GLIS3: variants seen among roughly 807,000 people sequenced by gnomAD.
GLIS3 encodes the protein zinc finger protein GLIS3.
Under a neutral mutation model 78.6 loss-of-function variants are expected in GLIS3, and 53 were observed. The observed-to-expected ratio is 0.67, with a 90% CI of 0.54 to 0.85. GLIS3 has a LOEUF of 0.85. GLIS3 is among the 40% of genes least tolerant of loss of function. The probability of loss-of-function intolerance (pLI) is 0.00; values close to 1 mark genes in which losing one functional copy is unlikely to be tolerated. For missense variants in GLIS3, 1,703 were observed against 1,231.1 expected (o/e 1.38, Z -5.74); for synonymous variants, 684 against 509.9 (o/e 1.34, Z -4.60).
At chr9:3,981,743 G>A (rs1460847222) in intron 4 of GLIS3, among the ~76,000 whole-genome samples, 1 of 152,114 alleles carries the variant, frequency 6.6e-6, no homozygotes, top group Non-Finnish European at 1.5e-5. Flanking sequence ...CTGGGGCTTT[G>A]GAAGACATCA....
intron 4 of GLIS3, among the ~76,000 whole-genome samples, chr9:4,032,724 A>G (rs1039414323): frequency 6.6e-6 from 1 of 151,926 alleles, no homozygotes; most frequent in African/African-American, 2.4e-5. Flanking sequence ...CATATACCCT[A>G]TGCCATGAGG....
chr9:4,112,032 G>A (rs1218699593), intron 4 of GLIS3, among the ~76,000 whole-genome samples: 1 of 152,194 alleles, frequency 6.6e-6, no homozygotes, highest in Non-Finnish European at 1.5e-5. Context: ...CTGAAAGTCT[G>A]CATTGTGTTT....
the GLIS3 span, among the ~76,000 whole-genome samples, chr9:4,440,371 A>G: frequency 3.9e-5 from 6 of 152,118 alleles, no homozygotes; most frequent in African/African-American, 1.2e-4. Context: ...TTTTTTATAT[A>G]AGGGTCTAGT....
intron 7 of GLIS3, among the ~76,000 whole-genome samples, chr9:3,887,432 A>G (rs193094897): frequency 6.6e-6 from 1 of 152,352 alleles, no homozygotes; most frequent in African/African-American, 2.4e-5. Flanking sequence ...GAACATGCCT[A>G]TTAACTTTGA....
intron 6 of GLIS3, among the ~76,000 whole-genome samples, chr9:3,914,131 G>A (rs1201993563): frequency 2.0e-5 from 1 of 49,858 alleles, no homozygotes; most frequent in Non-Finnish European, 3.9e-5. Context: ...AAAGACACTT[G>A]GGTAGTTTCT....
At chr9:4,261,293 C>T (rs1825503137) in intron 2 of GLIS3, among the ~76,000 whole-genome samples, 1 of 152,040 alleles carries the variant, frequency 6.6e-6, no homozygotes, top group African/African-American at 2.4e-5. Context: ...TCTGGGGATA[C>T]ATGAGAGTGA....
intron 6 of GLIS3, among the ~76,000 whole-genome samples, chr9:3,920,159 A>G (rs766380394): frequency 5.9e-5 from 9 of 151,988 alleles, no homozygotes; most frequent in East Asian, 3.9e-4. Context: ...GCCCGCCACC[A>G]CACCCGGCTA....
the GLIS3 span, among the ~76,000 whole-genome samples, chr9:4,484,051 C>A: frequency 6.6e-6 from 1 of 152,104 alleles, no homozygotes; most frequent in African/African-American, 2.4e-5. Flanking sequence ...GTTGTTATTA[C>A]CAGCTAAAAT....
intron 2 of GLIS3, among the ~76,000 whole-genome samples, chr9:4,252,785 T>TAC (rs2129892468): frequency 6.6e-6 from 1 of 152,284 alleles, no homozygotes; most frequent in East Asian, 1.9e-4. Context: ...GACCTTTGCG[T>TAC]GGGGTTTTTG....
exon 4 of GLIS3, chr9:4,308,780 G>C (rs553838723): frequency 1.8e-4 from 28 of 152,290 alleles, no homozygotes; most frequent in African/African-American, 6.0e-4. Context: ...GTCTCACCTG[G>C]GATGGCTCCT....
rs544298252 is a variant in GLIS3, at chr9:3,954,985, A to G, written c.1711-17796T>C. ...ATAAAAATAAATAAATAAAAGAGAG[A>G]TGCGAAAGCTCAAAAGGCCCCACCT... On this transcript the variant is annotated intron_variant, in intron 4 of 10. Transcript: ENST00000381971. Among the ~76,000 whole-genome samples the G allele has an allele frequency of 2.6e-5, 4 of 152,340 alleles. No individual in the cohort carries two copies. The South Asian group carries it at 8.3e-4, about 32-fold the overall frequency.
chr9:3,840,229 TA>T (rs1409453234), intron 9 of GLIS3, among the ~76,000 whole-genome samples: 1 of 152,232 alleles, frequency 6.6e-6, no homozygotes, highest in Non-Finnish European at 1.5e-5. Flanking sequence ...GTGTAACACA[TA>T]AGCAGTTCTT....
At chr9:4,184,585 T>C (rs1241302996) in intron 2 of GLIS3, among the ~76,000 whole-genome samples, 1 of 152,090 alleles carries the variant, frequency 6.6e-6, no homozygotes, top group Non-Finnish European at 1.5e-5. Flanking sequence ...GATCAATGTG[T>C]TTGCTTAAAA....
At chr9:4,271,259 A>G (rs1342134800) in intron 2 of GLIS3, among the ~76,000 whole-genome samples, 1 of 152,172 alleles carries the variant, frequency 6.6e-6, no homozygotes, top group Non-Finnish European at 1.5e-5. Flanking sequence ...ACAGTATACA[A>G]TACATACAAA....
chr9:4,431,481 G>A, the GLIS3 span, among the ~76,000 whole-genome samples: 1 of 152,166 alleles, frequency 6.6e-6, no homozygotes, highest in Non-Finnish European at 1.5e-5. Flanking sequence ...GTCAATCAGG[G>A]AGTCGGGATC....
the GLIS3 span, among the ~76,000 whole-genome samples, chr9:4,406,208 T>C: frequency 1.3e-5 from 2 of 152,224 alleles, no homozygotes; most frequent in African/African-American, 2.4e-5. Context: ...AACGTAGTAC[T>C]GGAAGTCCTA....
chr9:4,304,050 G>A (rs1817163575), upstream of GLIS3, among the ~76,000 whole-genome samples: 1 of 152,166 alleles, frequency 6.6e-6, no homozygotes, highest in Non-Finnish European at 1.5e-5. Flanking sequence ...ATAGTACTGG[G>A]CACTAGTAAG....
At chr9:4,200,963 C>T (rs994423540) in intron 2 of GLIS3, among the ~76,000 whole-genome samples, 1 of 152,038 alleles carries the variant, frequency 6.6e-6, no homozygotes, top group African/African-American at 2.4e-5. Context: ...CCAAATTCAG[C>T]ATCACATCAA....
the GLIS3 span, among the ~76,000 whole-genome samples, chr9:4,383,714 T>G: frequency 6.6e-6 from 1 of 152,238 alleles, no homozygotes; most frequent in Non-Finnish European, 1.5e-5. Context: ...TTAGGTAATA[T>G]GACTTGATCA....
Sources: gnomAD v4.1 joint callset for allele counts (sites outside exome capture counted in the v4.1 genomes callset) on GRCh38, gnomAD v4.1.1 for gene constraint, MANE v1.5 for transcripts, NCBI Gene and HGNC (gene_info 2026-07-23, HGNC 2026-07-21) for gene names.